Variants in MINDY4 observed in about 807,000 individuals in gnomAD.
MINDY4 encodes the protein MINDY lysine 48 deubiquitinase 4.
In MINDY4, 68 loss-of-function variants were observed where a neutral mutation model predicts 87.0. The ratio of observed to expected loss-of-function variants is 0.78; its 90% CI spans 0.64 to 0.96. The LOEUF is 0.96. Among genes scored for constraint, MINDY4 ranks in the 40% least tolerant of loss-of-function variants. MINDY4 has a pLI of 0.00. For missense variants in MINDY4, 919 were observed against 928.2 expected (o/e 0.99, Z 0.13); for synonymous variants, 379 against 363.2 (o/e 1.04, Z -0.50).
intron 8 of MINDY4, 150 bp from the exon 9 acceptor site, chr7:30,840,610 G>A (rs1203675148): frequency 6.5e-6 from 4 of 619,696 alleles, no homozygotes; most frequent in Non-Finnish European, 1.1e-5. Context: ...TTAGTGTGTT[G>A]TAGAAGCAGT....
intron 17 of MINDY4, among the ~76,000 whole-genome samples, chr7:30,887,962 AC>A (rs1790682661): frequency 6.6e-6 from 1 of 152,178 alleles, no homozygotes; most frequent in Non-Finnish European, 1.5e-5. Context: ...AAACTTTCAC[AC>A]AGGCCTATTT....
chr7:30,775,347 C>T (rs1302289513), intron 1 of MINDY4, among the ~76,000 whole-genome samples: 1 of 152,182 alleles, frequency 6.6e-6, no homozygotes, highest in African/African-American at 2.4e-5. Context: ...CTCGGAGAAA[C>T]ACTTTACTTA....
At chr7:30,875,229 G>A (rs1790223592) in intron 14 of MINDY4, among the ~76,000 whole-genome samples, 1 of 152,238 alleles carries the variant, frequency 6.6e-6, no homozygotes, top group African/African-American at 2.4e-5. Flanking sequence ...TGCAGCATAG[G>A]ACAGGGTCCT....
intron 13 of MINDY4, among the ~76,000 whole-genome samples, chr7:30,864,067 G>A (rs563786431): frequency 6.6e-6 from 1 of 152,328 alleles, no homozygotes; most frequent in South Asian, 2.1e-4. Context: ...AAGGTCCAGT[G>A]GGGGTGAAAA....
intron 1 of MINDY4, among the ~76,000 whole-genome samples, chr7:30,777,997 A>G (rs1205608820): frequency 6.6e-6 from 1 of 152,182 alleles, no homozygotes; most frequent in East Asian, 1.9e-4. Context: ...ATGGACTCAC[A>G]GTTTGGGATG....
chr7:30,785,562 C>T (rs574096850), intron 3 of MINDY4, among the ~76,000 whole-genome samples, 187 bp from the exon 4 acceptor site: 1 of 152,284 alleles, frequency 6.6e-6, no homozygotes, highest in African/African-American at 2.4e-5. Flanking sequence ...TTTTATAGGG[C>T]AGACTTGCCT....
intron 5 of MINDY4, among the ~76,000 whole-genome samples, chr7:30,802,030 T>C (rs1000167747): frequency 6.1e-5 from 6 of 97,720 alleles, no homozygotes; most frequent in African/African-American, 2.9e-4. Context: ...AGCTGTTAGA[T>C]GGAAGGAAGT....
chr7:30,820,603 C>T (rs541878807), intron 5 of MINDY4, among the ~76,000 whole-genome samples: 8 of 149,966 alleles, frequency 5.3e-5, no homozygotes, highest in East Asian at 1.9e-4. Flanking sequence ...TATAAACTTA[C>T]GGTGTCAGGC....
At chr7:30,840,668 C>G (rs1407942404) in intron 8 of MINDY4, 92 bp from the exon 9 acceptor site, 1 of 1,054,790 alleles carries the variant, frequency 9.5e-7, no homozygotes, top group African/African-American at 1.6e-5. Flanking sequence ...CCCCTTTACT[C>G]TATCAGGTGG....
chr7:30,869,957 A>G (rs1033850772), intron 13 of MINDY4, among the ~76,000 whole-genome samples: 11 of 152,082 alleles, frequency 7.2e-5, no homozygotes, highest in African/African-American at 1.9e-4. Context: ...GAATTCCCCT[A>G]TTCCCCTAGA....
chr7:30,852,378 C>T (rs925561612), intron 11 of MINDY4, 99 bp downstream of exon 11: 11 of 1,575,888 alleles, frequency 7.0e-6, no homozygotes, highest in Non-Finnish European at 8.6e-6. Flanking sequence ...GACAGGCTGG[C>T]CTTCCGCAGC....
intron 5 of MINDY4, among the ~76,000 whole-genome samples, chr7:30,802,641 G>A (rs11972565): frequency 0.6 from 91,827 of 152,042 alleles, 29,722 homozygotes; most frequent in African/African-American, 0.85. Context: ...TGATAGTATC[G>A]TGAAACTTAA....
intron 5 of MINDY4, among the ~76,000 whole-genome samples, chr7:30,809,353 C>T (rs188245454): frequency 1.4e-5 from 2 of 140,012 alleles, no homozygotes; most frequent in East Asian, 4.4e-4. Context: ...GAGCACACCT[C>T]ACCAGTTCAG....
intron 5 of MINDY4, among the ~76,000 whole-genome samples, chr7:30,808,932 G>GGAGAGA (rs55961516): frequency 6.9e-6 from 1 of 145,114 alleles, no homozygotes; most frequent in Non-Finnish European, 1.5e-5. Context: ...AGGGAGTCAA[G>GGAGAGA]GAGAGAGAGA....
chr7:30,851,995 ATTTCTTTTTTT>A (rs1562554128), intron 10 of MINDY4, among the ~76,000 whole-genome samples: 1 of 149,362 alleles, frequency 6.7e-6, no homozygotes, highest in Non-Finnish European at 1.5e-5. Flanking sequence ...TCTTTTTTCC[ATTTCTTTTTTT>A]TTTCTTTTAA....
chr7:30,809,783 GA>G (rs554097730), intron 5 of MINDY4, among the ~76,000 whole-genome samples: 24 of 136,218 alleles, frequency 1.8e-4, no homozygotes, highest in African/African-American at 3.4e-4. Context: ...TATCATCTTC[GA>G]AAAAAAAAAG....
At chr7:30,818,874 A>G (rs1286382845) in intron 5 of MINDY4, among the ~76,000 whole-genome samples, 1 of 152,218 alleles carries the variant, frequency 6.6e-6, no homozygotes, top group Non-Finnish European at 1.5e-5. Context: ...ACTTATTCAT[A>G]CTAGTTTCTT....
At chr7:30,844,672 G>A (rs1752660232) in intron 9 of MINDY4, among the ~76,000 whole-genome samples, 1 of 152,216 alleles carries the variant, frequency 6.6e-6, no homozygotes, top group Non-Finnish European at 1.5e-5. Context: ...TCCTTGCCAA[G>A]TGGGTGGGTG....
intron 5 of MINDY4, among the ~76,000 whole-genome samples, chr7:30,817,528 C>A (rs1009501072): frequency 2.6e-5 from 4 of 152,106 alleles, no homozygotes; most frequent in African/African-American, 9.7e-5. Context: ...TACAGAGTCA[C>A]TGATGGAAGC....
Sources: allele counts gnomAD v4.1 joint callset (sites outside exome capture counted in the v4.1 genomes callset), GRCh38; gene constraint gnomAD v4.1.1; transcripts MANE v1.5; gene names NCBI Gene and HGNC (gene_info 2026-07-23, HGNC 2026-07-21).